PLEKHG1: variants seen among roughly 807,000 people sequenced by gnomAD.
PLEKHG1 encodes the protein pleckstrin homology and RhoGEF domain containing G1.
In PLEKHG1, 44 loss-of-function variants were observed where a neutral mutation model predicts 100.8. The ratio of observed to expected loss-of-function variants is 0.44; its 90% confidence interval spans 0.34 to 0.56. PLEKHG1 has a LOEUF of 0.56. Ranked by LOEUF, PLEKHG1 falls within the 20% of genes least tolerant of loss-of-function variation. The probability of loss-of-function intolerance (pLI) is 0.01; values close to 1 mark genes in which losing one functional copy is unlikely to be tolerated. For synonymous variants in PLEKHG1, 640 were observed against 662.5 expected, an observed-to-expected ratio of 0.97 and a Z score of 0.52; for missense variants, 1,545 against 1,720.9, an observed-to-expected ratio of 0.90 and a Z score of 1.81.
chr6:150,635,840 C>T (rs999124438), intron 1 of PLEKHG1, among the ~76,000 whole-genome samples: 5 of 152,100 alleles, frequency 3.3e-5, no homozygotes, highest in Admixed American at 6.5e-5. Flanking sequence ...GGCCAGGACT[C>T]GTCAAGCAGT....
chr6:150,618,019 CACATAT>C (rs2128555858), intron 1 of PLEKHG1, among the ~76,000 whole-genome samples: 1 of 152,302 alleles, frequency 6.6e-6, no homozygotes, highest in African/African-American at 2.4e-5. Flanking sequence ...TACATATACA[CACATAT>C]ACATATAAGT....
chr6:150,628,428 G>A (rs1242008580), intron 1 of PLEKHG1, among the ~76,000 whole-genome samples: 1 of 151,904 alleles, frequency 6.6e-6, no homozygotes, highest in Non-Finnish European at 1.5e-5. Context: ...TCCACACATA[G>A]GACTGCAGTC....
chr6:150,756,427 A>G (rs1453198171), intron 2 of PLEKHG1, among the ~76,000 whole-genome samples: 1 of 152,200 alleles, frequency 6.6e-6, no homozygotes, highest in Non-Finnish European at 1.5e-5. Flanking sequence ...TTTTTGATAC[A>G]ATGAGCGGAA....
At chr6:150,645,911 A>C (rs1582874996) in intron 2 of PLEKHG1, among the ~76,000 whole-genome samples, 2 of 152,242 alleles carry the variant, frequency 1.3e-5, no homozygotes, top group East Asian at 3.8e-4. Context: ...TCTCCAGCAC[A>C]TGAATACAGA....
At position 150,804,537 on chromosome 6, in the gene PLEKHG1, G is replaced by A. The variant is rs577869886; in HGVS notation, c.781-73G>A. The A allele has an allele frequency of 3.3e-3, 3,982 of 1,194,080 alleles. 15 individuals are homozygous for A. The highest frequency in any genetic ancestry group is 4.2e-3 in the Non-Finnish European group (3,514 of 842,596). The allele number at this position is 1,194,080 out of a possible 1,614,324, so 74.0% of individuals were successfully genotyped here. On this transcript the variant is annotated intron_variant, in intron 6 of 15. Coordinates refer to ENST00000358517, the Ensembl canonical transcript of PLEKHG1. Reference sequence around the variant, plus strand: ...TAAAATATAAGGAACTAATCATAGCGGTGCCATTTGTTTCACTGTCTATAT... The same window carrying A: ...TAAAATATAAGGAACTAATCATAGCAGTGCCATTTGTTTCACTGTCTATAT...
At chr6:150,780,790 T>G (rs535685285) in intron 3 of PLEKHG1, among the ~76,000 whole-genome samples, 4 of 152,184 alleles carry the variant, frequency 2.6e-5, no homozygotes, top group Non-Finnish European at 4.4e-5. Flanking sequence ...GGCCGAAGAT[T>G]CATTTGATGA....
chr6:150,787,968 T>C (rs1785729226), intron 4 of PLEKHG1, among the ~76,000 whole-genome samples: 1 of 152,192 alleles, frequency 6.6e-6, no homozygotes, highest in Admixed American at 6.5e-5. Flanking sequence ...AAAGATATGC[T>C]GGGTATATCA....
intron 1 of PLEKHG1, 35 bp from the exon 3 acceptor site, chr6:150,733,549 T>C: frequency 6.5e-7 from 1 of 1,529,644 alleles, no homozygotes; most frequent in Admixed American, 2.1e-5. Flanking sequence ...TAGAATTGCT[T>C]ATCTTGTCCT....
rs187149641 is a variant in PLEKHG1 at position 150,683,727 on chromosome 6, C to T, written c.-99+32941C>T. On this transcript the variant is annotated intron_variant, in intron 3 of 3. Coordinates refer to the PLEKHG1 transcript ENST00000367326. This position sits in a 1 kb window ranked among gnomAD's most constrained non-coding sequence, Gnocchi z 4.0. ...CTGAGTTGACACACGGACCCCTCTGCGCTAGTATCCAGGGCATAGGACGTC... is the reference window on the plus strand; with the variant it reads ...CTGAGTTGACACACGGACCCCTCTGTGCTAGTATCCAGGGCATAGGACGTC... 9.5e-5 allele frequency: 114 copies of T among 1,206,004 alleles called. 1 individual carries two copies. In the Admixed American group the frequency reaches 2.3e-3, roughly 24 times the overall value. The allele number at this position is 1,206,004 out of a possible 1,614,324, so 74.7% of individuals were successfully genotyped here.
intron 3 of PLEKHG1, among the ~76,000 whole-genome samples, chr6:150,685,226 C>A (rs1022943733): frequency 2.0e-5 from 3 of 152,094 alleles, no homozygotes; most frequent in African/African-American, 7.2e-5. Flanking sequence ...GATGCCACCC[C>A]ACTCCCACAG....
chr6:150,740,365 C>T (rs1213735219), intron 2 of PLEKHG1, among the ~76,000 whole-genome samples: 1 of 152,208 alleles, frequency 6.6e-6, no homozygotes, highest in Non-Finnish European at 1.5e-5. Context: ...TGTGCATAGG[C>T]ATTCCCTGGC....
At chr6:150,659,158 C>T (rs1429641021) in intron 3 of PLEKHG1, among the ~76,000 whole-genome samples, 1 of 152,204 alleles carries the variant, frequency 6.6e-6, no homozygotes, top group Admixed American at 6.5e-5. Flanking sequence ...TCTCTTGTTT[C>T]TCTGAACTCG....
At chr6:150,808,702 T>A (rs1173866444) in intron 7 of PLEKHG1, among the ~76,000 whole-genome samples, 2 of 152,026 alleles carry the variant, frequency 1.3e-5, no homozygotes, top group African/African-American at 4.8e-5. Context: ...CAGTGAGCCC[T>A]GATCGCGCCA....
At chr6:150,759,626 G>A (rs147378446) in intron 2 of PLEKHG1, among the ~76,000 whole-genome samples, 47 of 152,198 alleles carry the variant, frequency 3.1e-4, no homozygotes, top group African/African-American at 1.0e-3. Context: ...AGTGGGACCC[G>A]TCTCCTAGGG....
At chr6:150,822,923 T>C (rs1216101154) in intron 13 of PLEKHG1, among the ~76,000 whole-genome samples, 3 of 152,160 alleles carry the variant, frequency 2.0e-5, no homozygotes, top group Admixed American at 6.5e-5. Flanking sequence ...GAGGCTGCAG[T>C]GAGCCGAGAT....
intron 2 of PLEKHG1, among the ~76,000 whole-genome samples, chr6:150,740,690 G>A (rs1782810790): frequency 6.6e-6 from 1 of 152,114 alleles, no homozygotes. Context: ...GTGGTACTTG[G>A]CATCATTTAA....
Position 150,614,702 on chromosome 6 carries a change from C to T in PLEKHG1, c.-204+14685C>T, listed in dbSNP as rs1314965918. ...TCTCCCTCACTCTCCCTCCCTCTCT[C>T]TCATTCGCTCTTTAGGGTTGACTCT... is the stretch of plus-strand genomic sequence containing the variant. On this transcript the variant is annotated intron_variant, in intron 1 of 3. Coordinates refer to the PLEKHG1 transcript ENST00000367326. Among the ~76,000 whole-genome samples, 9 of 152,342 alleles carry T rather than the reference C, an allele frequency of 5.9e-5. No individual in the cohort carries two copies. The East Asian group carries it at 1.7e-3, about 29-fold the overall frequency.
At chr6:150,806,621 T>C (rs1352284953) in intron 7 of PLEKHG1, among the ~76,000 whole-genome samples, 1 of 147,174 alleles carries the variant, frequency 6.8e-6, no homozygotes, top group Non-Finnish European at 1.5e-5. Context: ...GGGAGGTGGA[T>C]GCCATTGCAC....
intron 1 of PLEKHG1, among the ~76,000 whole-genome samples, chr6:150,725,847 TATAAG>T (rs1467137392): frequency 2.6e-5 from 4 of 152,212 alleles, no homozygotes; most frequent in South Asian, 4.2e-4. Context: ...TTGTGTATAC[TATAAG>T]ATAAGGGTTC....
Sources: allele counts gnomAD v4.1 joint callset (sites outside exome capture counted in the v4.1 genomes callset), GRCh38; gene constraint gnomAD v4.1.1; non-coding constraint Gnocchi (gnomAD v3.1); transcripts MANE v1.5; gene names NCBI Gene and HGNC (gene_info 2026-07-23, HGNC 2026-07-21).